FYN: variants seen among roughly 807,000 people sequenced by gnomAD.
FYN encodes the protein FYN proto-oncogene, Src family tyrosine kinase.
In FYN, 10 loss-of-function variants were observed where a neutral mutation model predicts 70.2. The observed-to-expected ratio is 0.14, with a 90% confidence interval of 0.09 to 0.24. The LOEUF is 0.24. Ranked by LOEUF, FYN falls within the 10% of genes least tolerant of loss-of-function variation. The pLI, the probability that FYN is intolerant of heterozygous loss-of-function variation, is 1.00. For synonymous variants in FYN, 236 were observed against 248.6 expected (o/e 0.95, Z 0.48); for missense variants, 319 against 673.1 (o/e 0.47, Z 5.82).
chr6:111,791,900 T>C (rs1167942629), intron 2 of FYN, among the ~76,000 whole-genome samples: 1 of 152,164 alleles, frequency 6.6e-6, no homozygotes, highest in African/African-American at 2.4e-5. Flanking sequence ...GGATGAAGAA[T>C]AGAACTAAAT....
At chr6:111,806,138 T>C (rs1051521818) in intron 2 of FYN, among the ~76,000 whole-genome samples, 1 of 152,200 alleles carries the variant, frequency 6.6e-6, no homozygotes, top group Non-Finnish European at 1.5e-5. Context: ...ATTTAGATTG[T>C]AGAAAACACA....
chr6:111,837,282 T>C (rs1773217096), intron 2 of FYN, among the ~76,000 whole-genome samples: 1 of 152,226 alleles, frequency 6.6e-6, no homozygotes, highest in Non-Finnish European at 1.5e-5. Context: ...AAATGTTTTT[T>C]CCCTCATCTG....
chr6:111,675,643 A>G (rs920848229), intron 12 of FYN, among the ~76,000 whole-genome samples: 4 of 151,888 alleles, frequency 2.6e-5, no homozygotes, highest in Admixed American at 6.6e-5. Context: ...AAATACAAAA[A>G]TTAGCCAGGC....
intron 6 of FYN, among the ~76,000 whole-genome samples, chr6:111,704,579 C>G (rs780427117): frequency 1.3e-5 from 2 of 151,644 alleles, no homozygotes; most frequent in African/African-American, 2.4e-5. Context: ...CATGGTGAAA[C>G]CCCAGCTCTA....
intron 1 of FYN, among the ~76,000 whole-genome samples, chr6:111,872,220 C>G (rs1203341651): frequency 6.6e-6 from 1 of 151,990 alleles, no homozygotes; most frequent in Admixed American, 6.5e-5. Context: ...CAGTCCCCTC[C>G]GCCTGTGGCC....
intron 3 of FYN, among the ~76,000 whole-genome samples, chr6:111,733,238 A>C (rs994896106): frequency 6.6e-6 from 1 of 152,140 alleles, no homozygotes; most frequent in Non-Finnish European, 1.5e-5. Context: ...CCTTTTACAT[A>C]TGCTATCTCA....
At chr6:111,674,463 A>G (rs3730353) in intron 13 of FYN, 36 bp downstream of exon 13, 218,286 of 1,572,492 alleles carry the variant, frequency 0.14, 18,334 homozygotes, top group African/African-American at 0.35. Flanking sequence ...AAAAGCCTCC[A>G]ATCTCAGGCC....
chr6:111,860,830 T>C (rs1020285009), intron 1 of FYN, among the ~76,000 whole-genome samples: 11 of 152,134 alleles, frequency 7.2e-5, no homozygotes, highest in Non-Finnish European at 1.6e-4. Flanking sequence ...CCTCTAACAC[T>C]TGGCAGTCTG....
chr6:111,667,751 A>T (rs1383486058), intron 13 of FYN, among the ~76,000 whole-genome samples: 2 of 152,238 alleles, frequency 1.3e-5, no homozygotes, highest in African/African-American at 2.4e-5. Flanking sequence ...GTCTTTTATG[A>T]AAGAAGAGTG....
At position 111,723,666 on chromosome 6, in the gene FYN, C is replaced by T. The variant is rs554205425; in HGVS notation, c.-11-3604G>A. On this transcript the variant is annotated intron_variant, in intron 3 of 13. Transcript: ENST00000354650. ...GCTTCGTGACAGAAGAGTCAGAAGA[C>T]GCTACATGAGCTGTATTCAGTGTGC... is the stretch of plus-strand genomic sequence containing the variant. Among the ~76,000 whole-genome samples, 13 of 152,334 alleles carry T rather than the reference C, an allele frequency of 8.5e-5. No individual in the cohort carries two copies. In the South Asian group the frequency reaches 1.7e-3, roughly 19 times the overall value.
chr6:111,807,261 T>C (rs189147227), intron 2 of FYN, among the ~76,000 whole-genome samples: 3 of 152,336 alleles, frequency 2.0e-5, no homozygotes, highest in Admixed American at 6.5e-5. Context: ...CAGCAGACGA[T>C]GGTGAGGAAC....
chr6:111,742,908 G>A (rs576000054), intron 3 of FYN, among the ~76,000 whole-genome samples: 78 of 151,910 alleles, frequency 5.1e-4, no homozygotes, highest in Admixed American at 1.8e-3. Flanking sequence ...GGTCACACAC[G>A]ACCACAAGTT....
intron 2 of FYN, among the ~76,000 whole-genome samples, chr6:111,831,970 C>G (rs1773030413): frequency 6.6e-6 from 1 of 152,168 alleles, no homozygotes; most frequent in African/African-American, 2.4e-5. Flanking sequence ...GAGATTGAAT[C>G]TGGCCCCCAT....
At chr6:111,705,631 C>T (rs564410948) in intron 6 of FYN, among the ~76,000 whole-genome samples, 16 of 152,264 alleles carry the variant, frequency 1.1e-4, no homozygotes, top group Non-Finnish European at 2.1e-4. Flanking sequence ...GGCAGATCAC[C>T]TGAGGTCTGG....
intron 2 of FYN, among the ~76,000 whole-genome samples, chr6:111,786,196 C>T (rs1771373964): frequency 6.6e-6 from 1 of 152,082 alleles, no homozygotes; most frequent in African/African-American, 2.4e-5. Flanking sequence ...TCTCCCAATG[C>T]TATCCCTCTC....
intron 2 of FYN, among the ~76,000 whole-genome samples, chr6:111,802,314 G>A (rs1480400448): frequency 6.6e-6 from 1 of 151,986 alleles, no homozygotes; most frequent in Non-Finnish European, 1.5e-5. Context: ...TGCCATGATT[G>A]TAAATGTCCT....
At chr6:111,699,766 G>A in intron 9 of FYN, 1 of 1,169,940 alleles carries the variant, frequency 8.5e-7, no homozygotes, top group Non-Finnish European at 1.2e-6. Flanking sequence ...CCGTTAGGAT[G>A]ACACTCAACA....
chr6:111,791,033 C>CT (rs953252106), intron 2 of FYN, among the ~76,000 whole-genome samples: 17 of 151,832 alleles, frequency 1.1e-4, no homozygotes, highest in African/African-American at 4.1e-4. Flanking sequence ...TAAACTAGGT[C>CT]TTTTTTTTCT....
chr6:111,731,097 G>A (rs533328307), intron 3 of FYN, among the ~76,000 whole-genome samples: 14 of 152,148 alleles, frequency 9.2e-5, no homozygotes, highest in African/African-American at 3.1e-4. Flanking sequence ...CCCCAAGTAC[G>A]AGGACCGCTG....
Sources: gnomAD v4.1 joint callset for allele counts (sites outside exome capture counted in the v4.1 genomes callset) on GRCh38, gnomAD v4.1.1 for gene constraint, MANE v1.5 for transcripts, NCBI Gene and HGNC (gene_info 2026-07-23, HGNC 2026-07-21) for gene names.